The following GABPA variants were observed in gnomAD, a reference collection of about 807,000 sequenced individuals.
GABPA encodes GA-binding protein alpha chain.
GABPA carries 4 observed loss-of-function variants against 59.4 expected under a neutral mutation model. The ratio of observed to expected loss-of-function variants is 0.07; its 90% CI spans 0.03 to 0.15. GABPA has a LOEUF of 0.15. Ranked by LOEUF, GABPA falls within the 10% of genes least tolerant of loss-of-function variation. The pLI is 1.00. For synonymous variants in GABPA, 164 were observed against 183.1 expected, an observed-to-expected ratio of 0.90 and a Z score of 0.84; for missense variants, 251 against 543.8, an observed-to-expected ratio of 0.46 and a Z score of 5.36.
At chr21:25,755,855 G>A (rs1279111358) in intron 5 of GABPA, among the ~76,000 whole-genome samples, 1 of 152,156 alleles carries the variant, frequency 6.6e-6, no homozygotes, top group African/African-American at 2.4e-5. Context: ...GAACCACCAT[G>A]ACTTGAACCA....
intron 9 of GABPA, among the ~76,000 whole-genome samples, chr21:25,765,321 G>A (rs1308677732): frequency 6.6e-6 from 1 of 152,012 alleles, no homozygotes; most frequent in Non-Finnish European, 1.5e-5. Context: ...GGATATATAA[G>A]AATATCACGG....
chr21:25,751,274 T>G (rs201773573), intron 4 of GABPA, among the ~76,000 whole-genome samples: 1 of 142,058 alleles, frequency 7.0e-6, no homozygotes, highest in Admixed American at 7.0e-5. Flanking sequence ...AATTTAATAG[T>G]TTAAATGTGT....
At chr21:25,736,595 A>G in intron 1 of GABPA, among the ~76,000 whole-genome samples, 1 of 151,390 alleles carries the variant, frequency 6.6e-6, no homozygotes, top group East Asian at 1.9e-4. Flanking sequence ...TATAGTAATG[A>G]AGTAATTAAA....
intron 5 of GABPA, among the ~76,000 whole-genome samples, chr21:25,755,432 TAAAAAAAAAA>T (rs968729001): frequency 2.3e-5 from 2 of 85,788 alleles, no homozygotes; most frequent in African/African-American, 7.8e-5. Flanking sequence ...CAAGACTGTC[TAAAAAAAAAA>T]AAAAAAAAAA....
chr21:25,756,869 A>AT (rs1197886974), intron 5 of GABPA, among the ~76,000 whole-genome samples: 1 of 152,204 alleles, frequency 6.6e-6, no homozygotes, highest in Non-Finnish European at 1.5e-5. Flanking sequence ...CCATCTTCCT[A>AT]GAATCCTCAC....
intron 4 of GABPA, 35 bp from the exon 5 acceptor site, chr21:25,751,954 T>C (rs774092824): frequency 1.2e-6 from 2 of 1,601,084 alleles, no homozygotes; most frequent in Non-Finnish European, 1.7e-6. Context: ...TGCGTTTTCA[T>C]TTAGATTTAC....
At chr21:25,746,760 T>C (rs1045844420) in intron 3 of GABPA, among the ~76,000 whole-genome samples, 1 of 152,202 alleles carries the variant, frequency 6.6e-6, no homozygotes, top group African/African-American at 2.4e-5. Flanking sequence ...CCATTTAATA[T>C]CTGTTAATGT....
At position 25,739,497 on chromosome 21, in the gene GABPA, T is replaced by C. The variant is rs139771360; in HGVS notation, c.-26-2076T>C. ...AGCTTTCAGAAGCTACCTGCATTCC[T>C]TGGCTCAAAGCTCCTTTCCTCCATC... On this transcript the variant is annotated intron_variant, in intron 1 of 9. Coordinates refer to ENST00000400075, the MANE Select transcript of GABPA (RefSeq NM_002040.4). 9.2e-5 allele frequency among the ~76,000 whole-genome samples: 14 copies of C among 152,356 alleles called. No individual in the cohort carries two copies. The East Asian group carries it at 1.9e-3, about 21-fold the overall frequency.
Position 25,734,975 on chromosome 21 carries a change from C to T in GABPA, c.-630C>T. 1.9e-6 allele frequency: 3 copies of T among 1,563,784 alleles called. No individual in the cohort carries two copies. The highest frequency in any genetic ancestry group is 2.6e-6 in the Non-Finnish European group (3 of 1,156,494). On this transcript the variant is annotated 5_prime_UTR_variant, in exon 1 of 10. Transcript: ENST00000400075. ...ATGCATTATGGGCCGCCGTTTCAGT[C>T]GGTCGACGCTCACCGGACAGGAAGC... is the stretch of plus-strand genomic sequence containing the variant.
At chr21:25,737,656 C>G (rs1310301039) in intron 1 of GABPA, among the ~76,000 whole-genome samples, 3 of 152,160 alleles carry the variant, frequency 2.0e-5, no homozygotes, top group Non-Finnish European at 4.4e-5. Flanking sequence ...CCATTAGGGC[C>G]ACTTCTCAGC....
At chr21:25,745,429 T>A in intron 3 of GABPA, 75 bp downstream of exon 3, 1 of 1,342,336 alleles carries the variant, frequency 7.4e-7, no homozygotes, top group East Asian at 2.3e-5. Context: ...GCCTTTTCTT[T>A]ATAGCTATAG....
rs919979375 is a variant in GABPA at position 25,735,247 on chromosome 21, G to GTA, written c.-355_-354dup. Reference sequence around the variant, plus strand: ...TCCTGTTCGTTAGGGTTATCGAAGTGTATAAAGGTGCAGGGAAAGTGAGAC... The same window carrying GTA: ...TCCTGTTCGTTAGGGTTATCGAAGTGTATATAAAGGTGCAGGGAAAGTGAGAC... On this transcript the variant is annotated 5_prime_UTR_variant, in exon 1 of 10. Transcript: ENST00000400075. The GTA allele has an allele frequency of 7.3e-5, 40 of 548,242 alleles. No individual in the cohort carries two copies. Among genetic ancestry groups the GTA allele is most frequent in the Non-Finnish European group, 1.1e-4 (32 of 303,234 alleles). 34.0% of individuals were successfully genotyped at this position (548,242 alleles called of 1,614,324 possible).
rs538945937 is a variant in GABPA at position 25,756,390 on chromosome 21, C to G, written c.554-1620C>G. Among the ~76,000 whole-genome samples the G allele has an allele frequency of 9.2e-5, 14 of 152,254 alleles. No individual in the cohort carries two copies. The East Asian group carries it at 2.7e-3, about 29-fold the overall frequency. On this transcript the variant is annotated intron_variant, in intron 5 of 9. Transcript: ENST00000400075. ...TCCTCTTTCCTTTTCCTTGGCGTCC[C>G]TCTGCTGCTCACTTCTAGTTCCACT...
At chr21:25,741,458 A>G in intron 1 of GABPA, 115 bp from the exon 2 acceptor site, 1 of 460,490 alleles carries the variant, frequency 2.2e-6, no homozygotes, top group Non-Finnish European at 3.9e-6. Flanking sequence ...TGTAAAGACT[A>G]CTTCCCCCTC....
rs147848277 is a variant in GABPA at position 25,758,171 on chromosome 21, A to T, written c.715A>T (p.Ile239Phe). The T allele has an allele frequency of 7.0e-5, 113 of 1,607,338 alleles. No homozygotes were observed. The highest frequency in any genetic ancestry group is 9.0e-5 in the Non-Finnish European group (106 of 1,177,398). ...DFFQRVPRGE[I>F]LWSHLELLRK... ...TTTTCAGCGGGTTCCTCGGGGAGAA[A>T]TTCTCTGGAGTCATCTGGAACTTCT... The change falls in exon 6 of 10, where the codon ATT (isoleucine) becomes TTT (phenylalanine). Residue 239 changes from isoleucine to phenylalanine, a missense_variant. Ile to Phe is a conservative substitution (Grantham distance 21, BLOSUM62 0). This residue lies in a region of GABPA where 207 missense variants were observed against 366.7 expected (regional missense o/e 0.56). Coordinates refer to ENST00000400075, the MANE Select transcript of GABPA (RefSeq NM_002040.4).
At chr21:25,740,986 C>T (rs2035206221) in intron 1 of GABPA, among the ~76,000 whole-genome samples, 1 of 152,150 alleles carries the variant, frequency 6.6e-6, no homozygotes, top group Admixed American at 6.5e-5. Flanking sequence ...AGTTAACAGA[C>T]CCTTAACTTA....
intron 5 of GABPA, among the ~76,000 whole-genome samples, chr21:25,757,794 A>G (rs1436595907): frequency 6.6e-6 from 1 of 151,556 alleles, no homozygotes; most frequent in Non-Finnish European, 1.5e-5. Context: ...AAGTGACTGC[A>G]TCAGAAATTT....
At chr21:25,741,148 T>C (rs2035210920) in intron 1 of GABPA, among the ~76,000 whole-genome samples, 1 of 152,300 alleles carries the variant, frequency 6.6e-6, no homozygotes, top group African/African-American at 2.4e-5. Flanking sequence ...ATTTTATTTT[T>C]CAAACAGGGT....
intron 1 of GABPA, among the ~76,000 whole-genome samples, chr21:25,737,484 C>T (rs1288037180): frequency 6.6e-6 from 1 of 151,472 alleles, no homozygotes; most frequent in Non-Finnish European, 1.5e-5. Flanking sequence ...TTTTTTTCTC[C>T]AAAAGGGCAT....
Sources: gnomAD v4.1 joint callset for allele counts (sites outside exome capture counted in the v4.1 genomes callset) on GRCh38, gnomAD v4.1.1 for gene constraint, gnomAD v4.1.1 regional missense constraint, MANE v1.5 for transcripts, NCBI Gene and HGNC (gene_info 2026-07-23, HGNC 2026-07-21) for gene names.